The following CSMD1 variants were observed in gnomAD, a reference collection of about 807,000 sequenced individuals.
CSMD1 encodes CUB and Sushi multiple domains 1.
A neutral mutation model predicts 417.5 loss-of-function variants in CSMD1; 213 were observed. The ratio of observed to expected loss-of-function variants is 0.51; its 90% confidence interval spans 0.46 to 0.57. The LOEUF (loss-of-function observed/expected upper bound fraction) is 0.57, where lower values mean the gene tolerates loss of function less well. CSMD1 is among the 20% of genes least tolerant of loss of function. The pLI is 0.00. For synonymous variants in CSMD1, 2,862 were observed against 1,736.8 expected, an observed-to-expected ratio of 1.65 and a Z score of -16.11; for missense variants, 6,923 against 4,529.7, an observed-to-expected ratio of 1.53 and a Z score of -15.17.
chr8:4,216,416 T>C (rs1225017277), intron 3 of CSMD1, among the ~76,000 whole-genome samples: 14 of 152,172 alleles, frequency 9.2e-5, no homozygotes. Flanking sequence ...ATGGTAAAAT[T>C]AATACTTATT....
intron 6 of CSMD1, among the ~76,000 whole-genome samples, chr8:3,745,766 C>T (rs1056953258): frequency 1.3e-5 from 2 of 152,212 alleles, no homozygotes; most frequent in African/African-American, 2.4e-5. Flanking sequence ...TTTCAGAAGC[C>T]TGATTCAGAT....
intron 41 of CSMD1, among the ~76,000 whole-genome samples, chr8:3,137,706 T>C (rs562612320): frequency 6.6e-6 from 1 of 152,360 alleles, no homozygotes; most frequent in African/African-American, 2.4e-5. Flanking sequence ...TGTAAATAGT[T>C]GTTATTCTGT....
At chr8:4,102,540 A>C (rs1176134531) in intron 3 of CSMD1, among the ~76,000 whole-genome samples, 3 of 152,018 alleles carry the variant, frequency 2.0e-5, no homozygotes, top group Admixed American at 1.3e-4. Context: ...ATGGTCACTG[A>C]AATGTCAGCT....
intron 3 of CSMD1, among the ~76,000 whole-genome samples, chr8:4,223,934 G>T (rs1801194523): frequency 6.6e-6 from 1 of 152,100 alleles, no homozygotes; most frequent in Admixed American, 6.5e-5. Flanking sequence ...TAACATCCAG[G>T]GGTCCTTTGT....
At position 3,284,227 on chromosome 8, in the gene CSMD1, A is replaced by G. The variant is rs1229498165; in HGVS notation, c.4070T>C (p.Ile1357Thr). ...EWSGSALPED[I>T]HSTFNSLTLQ... is the part of the protein sequence containing the mutation. ...GGTGAGTGAGTTGAAGGTGCTGTGGATGTCCTCCGGAAGGGCGGAGCCACT... is the reference window on the plus strand; with the variant it reads ...GGTGAGTGAGTTGAAGGTGCTGTGGGTGTCCTCCGGAAGGGCGGAGCCACT... Residue 1357 changes from isoleucine to threonine, a missense_variant, in exon 26 of 70, where the codon ATC (isoleucine) becomes ACC (threonine). By Grantham distance (89) the Ile-to-Thr change is moderately conservative. Coordinates refer to ENST00000635120, the MANE Select transcript of CSMD1 (RefSeq NM_033225.6). 3 of 1,612,810 alleles carry G rather than the reference A, an allele frequency of 1.9e-6. No homozygotes were observed. Among genetic ancestry groups the G allele is most frequent in the East Asian group, 4.5e-5 (2 of 44,810 alleles).
At chr8:3,146,035 G>T (rs1232063288) in intron 40 of CSMD1, among the ~76,000 whole-genome samples, 3 of 152,166 alleles carry the variant, frequency 2.0e-5, no homozygotes, top group African/African-American at 7.2e-5. Context: ...CCTTCTGTGT[G>T]TAATAAAATA....
At chr8:3,457,674 T>C (rs1816242221) in intron 12 of CSMD1, among the ~76,000 whole-genome samples, 1 of 152,212 alleles carries the variant, frequency 6.6e-6, no homozygotes, top group Non-Finnish European at 1.5e-5. Context: ...AATTCAGAAA[T>C]TTTAACAAAG....
chr8:4,940,987 A>C (rs1230994771), intron 1 of CSMD1, among the ~76,000 whole-genome samples: 1 of 152,202 alleles, frequency 6.6e-6, no homozygotes, highest in Non-Finnish European at 1.5e-5. Context: ...TTTTTCTTAA[A>C]GTTCAAGAAA....
At chr8:3,948,206 T>C (rs1014551991) in intron 5 of CSMD1, among the ~76,000 whole-genome samples, 3 of 152,070 alleles carry the variant, frequency 2.0e-5, no homozygotes, top group African/African-American at 7.2e-5. Flanking sequence ...TCCGTCTAAA[T>C]AATAACAATA....
At chr8:2,991,138 G>C (rs190643379) in intron 54 of CSMD1, among the ~76,000 whole-genome samples, 1,575 of 152,254 alleles carry the variant, frequency 0.01, 21 homozygotes, top group Non-Finnish European at 0.013. Flanking sequence ...CCTTCAACAG[G>C]CCAATTATTT....
At chr8:3,547,780 G>T (rs781658068) in intron 10 of CSMD1, among the ~76,000 whole-genome samples, 1 of 151,866 alleles carries the variant, frequency 6.6e-6, no homozygotes, top group Non-Finnish European at 1.5e-5. Flanking sequence ...TTTTCTTGTT[G>T]CTCTTTAAGA....
chr8:4,264,440 A>G (rs1379707054), intron 3 of CSMD1, among the ~76,000 whole-genome samples: 1 of 152,236 alleles, frequency 6.6e-6, no homozygotes. Context: ...TAATAAAACA[A>G]ATTACTGGTA....
At chr8:4,958,905 G>C (rs184055687) in intron 1 of CSMD1, among the ~76,000 whole-genome samples, 5 of 152,070 alleles carry the variant, frequency 3.3e-5, no homozygotes, top group African/African-American at 1.2e-4. Context: ...AAAGAGGAAA[G>C]AATATTTTTA....
At chr8:3,391,706 C>A (rs1172655055) in intron 17 of CSMD1, among the ~76,000 whole-genome samples, 2 of 152,172 alleles carry the variant, frequency 1.3e-5, no homozygotes, top group Non-Finnish European at 2.9e-5. Context: ...ATGCTGTTTA[C>A]AGTAGCTCAC....
intron 2 of CSMD1, among the ~76,000 whole-genome samples, chr8:4,479,915 G>T (rs190501630): frequency 6.6e-6 from 1 of 150,562 alleles, no homozygotes; most frequent in Non-Finnish European, 1.5e-5. Context: ...GCAGTGAGCC[G>T]AGATGGAGCC....
At chr8:4,661,680 C>A (rs1563089469) in intron 1 of CSMD1, among the ~76,000 whole-genome samples, 1 of 152,132 alleles carries the variant, frequency 6.6e-6, no homozygotes, top group African/African-American at 2.4e-5. Context: ...TTATTGTTTA[C>A]AACTTCATGG....
intron 7 of CSMD1, among the ~76,000 whole-genome samples, chr8:3,659,064 T>A (rs1440971621): frequency 6.6e-6 from 1 of 152,198 alleles, no homozygotes; most frequent in African/African-American, 2.4e-5. Context: ...TACTTGAAAT[T>A]AGTTCTAATT....
chr8:4,207,556 A>G (rs1163192233), intron 3 of CSMD1, among the ~76,000 whole-genome samples: 2 of 152,174 alleles, frequency 1.3e-5, no homozygotes, highest in African/African-American at 4.8e-5. Flanking sequence ...ATAGAAAATA[A>G]TGTTAAGAAA....
intron 7 of CSMD1, among the ~76,000 whole-genome samples, chr8:3,679,853 A>T (rs938859283): frequency 4.6e-5 from 7 of 152,242 alleles, no homozygotes; most frequent in South Asian, 2.1e-4. Context: ...CCACAGTGCA[A>T]TCAAACAAGA....
Sources: gnomAD v4.1 joint callset for allele counts (sites outside exome capture counted in the v4.1 genomes callset) on GRCh38, gnomAD v4.1.1 for gene constraint, MANE v1.5 for transcripts, NCBI Gene and HGNC (gene_info 2026-07-23, HGNC 2026-07-21) for gene names.